Variants in RNGTT observed in about 807,000 individuals in gnomAD.
RNGTT encodes mRNA-capping enzyme.
A neutral mutation model predicts 79.3 loss-of-function variants in RNGTT; 33 were observed. The observed-to-expected ratio is 0.42, with a 90% CI of 0.32 to 0.56. RNGTT has a LOEUF of 0.56. Ranked by LOEUF, RNGTT falls within the 20% of genes least tolerant of loss-of-function variation. RNGTT has a pLI of 0.17. For missense variants in RNGTT, 497 were observed against 739.1 expected (o/e 0.67, Z 3.80); for synonymous variants, 222 against 235.9 (o/e 0.94, Z 0.54).
intron 8 of RNGTT, among the ~76,000 whole-genome samples, chr6:88,870,508 G>C (rs1312240698): frequency 1.5e-5 from 2 of 129,822 alleles, no homozygotes; most frequent in Non-Finnish European, 1.6e-5. Flanking sequence ...ACACAATTAA[G>C]AGCAAAAAAA....
intron 6 of RNGTT, among the ~76,000 whole-genome samples, chr6:88,897,448 G>T (rs1783288661): frequency 2.0e-5 from 3 of 152,130 alleles, no homozygotes. Context: ...CTTCCTCAGA[G>T]ATTTCTCTAT....
intron 2 of RNGTT, among the ~76,000 whole-genome samples, chr6:88,938,684 T>G (rs916795915): frequency 1.3e-5 from 2 of 152,156 alleles, no homozygotes; most frequent in African/African-American, 2.4e-5. Flanking sequence ...CCCCCTTCAT[T>G]GTTGATGTGT....
At chr6:88,640,427 T>C (rs967428664) in intron 14 of RNGTT, among the ~76,000 whole-genome samples, 2 of 149,638 alleles carry the variant, frequency 1.3e-5, no homozygotes, top group South Asian at 2.1e-4. Context: ...GGCATGTGCC[T>C]GTAGTCCCAG....
At chr6:88,638,960 C>T (rs868341683) in intron 14 of RNGTT, among the ~76,000 whole-genome samples, 71 of 152,160 alleles carry the variant, frequency 4.7e-4, no homozygotes, top group Admixed American at 3.7e-3. Context: ...CTGAATTATA[C>T]GACTTTTGGT....
chr6:88,751,688 C>T (rs923793735), intron 13 of RNGTT, among the ~76,000 whole-genome samples: 1 of 151,966 alleles, frequency 6.6e-6, no homozygotes. Context: ...AATATAAATA[C>T]AACTGTTAAA....
At chr6:88,643,499 G>A (rs1773406896) in intron 14 of RNGTT, among the ~76,000 whole-genome samples, 1 of 152,090 alleles carries the variant, frequency 6.6e-6, no homozygotes, top group Non-Finnish European at 1.5e-5. Context: ...GCACCAAGTG[G>A]ACCTAATAGA....
At chr6:88,671,475 C>T (rs887327269) in intron 14 of RNGTT, among the ~76,000 whole-genome samples, 3 of 152,190 alleles carry the variant, frequency 2.0e-5, no homozygotes, top group Non-Finnish European at 4.4e-5. Flanking sequence ...AATGGAAACA[C>T]ATCCCATGAT....
chr6:88,622,389 T>C (rs1365534462), intron 14 of RNGTT, among the ~76,000 whole-genome samples: 1 of 152,096 alleles, frequency 6.6e-6, no homozygotes, highest in South Asian at 2.1e-4. Flanking sequence ...ATGATGACTA[T>C]CATTCTTTCA....
intron 10 of RNGTT, among the ~76,000 whole-genome samples, chr6:88,849,079 AGCCACCCC>A (rs1192310216): frequency 6.6e-6 from 1 of 151,984 alleles, no homozygotes; most frequent in Non-Finnish European, 1.5e-5. Flanking sequence ...AAAGAAACAA[AGCCACCCC>A]GCCACCCCTT....
intron 13 of RNGTT, among the ~76,000 whole-genome samples, chr6:88,697,693 C>G (rs1404518990): frequency 1.3e-5 from 2 of 151,182 alleles, no homozygotes; most frequent in African/African-American, 2.4e-5. Flanking sequence ...GACACTGTCT[C>G]TACTAAAAAT....
chr6:88,724,054 C>T (rs992653902), intron 13 of RNGTT, among the ~76,000 whole-genome samples: 6 of 151,864 alleles, frequency 4.0e-5, no homozygotes, highest in African/African-American at 1.2e-4. Flanking sequence ...ACTCTTTTTA[C>T]AAAAGAGTCA....
At chr6:88,830,244 A>T (rs1780809710) in intron 11 of RNGTT, among the ~76,000 whole-genome samples, 1 of 152,152 alleles carries the variant, frequency 6.6e-6, no homozygotes, top group South Asian at 2.1e-4. Context: ...TCACTCAAAA[A>T]CCGCACAACT....
Position 88,945,397 on chromosome 6 carries a change from G to C in RNGTT, c.65-4217C>G, listed in dbSNP as rs12192074. On this transcript the variant is annotated intron_variant, in intron 1 of 15. Transcript: ENST00000369485. Reference sequence around the variant, plus strand: ...TTTCTAGTATCTTAACATTTCAGCAGCATTTCATGTATCTGACAACTTCTT... The same window carrying C: ...TTTCTAGTATCTTAACATTTCAGCACCATTTCATGTATCTGACAACTTCTT... 6.8e-3 allele frequency among the ~76,000 whole-genome samples: 1,030 copies of C among 152,284 alleles called. 5 individuals carry two copies. Among genetic ancestry groups the C allele is most frequent in the Non-Finnish European group, 0.011 (739 of 68,030 alleles).
intron 13 of RNGTT, among the ~76,000 whole-genome samples, chr6:88,754,648 C>T (rs891786880): frequency 2.0e-5 from 3 of 152,152 alleles, no homozygotes; most frequent in African/African-American, 7.2e-5. Flanking sequence ...GTGACATGTT[C>T]GTGATGGCCA....
chr6:88,663,213 C>T (rs1329659854), intron 14 of RNGTT, among the ~76,000 whole-genome samples: 1 of 151,966 alleles, frequency 6.6e-6, no homozygotes, highest in Non-Finnish European at 1.5e-5. Flanking sequence ...GTAAGCCTAC[C>T]CTGTTAGGAA....
chr6:88,891,673 G>A (rs1348833821), intron 7 of RNGTT, 133 bp downstream of exon 7: 2 of 487,358 alleles, frequency 4.1e-6, no homozygotes, highest in East Asian at 3.4e-5. Context: ...TGTCTTGAAC[G>A]AAATCTGACA....
chr6:88,734,827 C>T (rs1456224060), intron 13 of RNGTT, among the ~76,000 whole-genome samples: 3 of 152,036 alleles, frequency 2.0e-5, no homozygotes, highest in East Asian at 1.9e-4. Context: ...ATGAAATAGT[C>T]GACACATTAT....
chr6:88,694,174 G>T (rs1355544877), intron 13 of RNGTT, among the ~76,000 whole-genome samples: 1 of 152,058 alleles, frequency 6.6e-6, no homozygotes, highest in Non-Finnish European at 1.5e-5. Flanking sequence ...GATACTTGCT[G>T]ATCTTATATG....
intron 13 of RNGTT, among the ~76,000 whole-genome samples, chr6:88,745,314 T>C (rs9362549): frequency 0.14 from 21,105 of 152,074 alleles, 1,606 homozygotes; most frequent in Middle Eastern, 0.24. Context: ...GTGCGTAACC[T>C]CAATCTAATT....
Sources: gnomAD v4.1 joint callset for allele counts (sites outside exome capture counted in the v4.1 genomes callset) on GRCh38, gnomAD v4.1.1 for gene constraint, MANE v1.5 for transcripts, NCBI Gene and HGNC (gene_info 2026-07-23, HGNC 2026-07-21) for gene names.